The following TMPRSS15 variants were observed in gnomAD, a reference collection of about 807,000 sequenced individuals.
TMPRSS15 encodes enteropeptidase.
Under a neutral mutation model 125.3 loss-of-function variants are expected in TMPRSS15, and 128 were observed. That is an observed-to-expected ratio of 1.02 (90% CI 0.89 to 1.18). The LOEUF (loss-of-function observed/expected upper bound fraction) is 1.18, where lower values mean the gene tolerates loss of function less well. TMPRSS15 is among the 50% of genes most tolerant of loss of function. The pLI is 0.00. For missense variants in TMPRSS15, 1,283 were observed against 1,212.7 expected (o/e 1.06, Z -0.86); for synonymous variants, 446 against 423.2 (o/e 1.05, Z -0.66).
At chr21:18,431,682 T>C (rs2076216736) in intron 1 of TMPRSS15, among the ~76,000 whole-genome samples, 1 of 152,182 alleles carries the variant, frequency 6.6e-6, no homozygotes, top group Admixed American at 6.5e-5. Context: ...TTGAATAGTT[T>C]AATTTAAAAT....
intron 5 of TMPRSS15, among the ~76,000 whole-genome samples, chr21:18,373,531 T>C (rs888699899): frequency 3.9e-5 from 6 of 152,182 alleles, no homozygotes; most frequent in African/African-American, 1.4e-4. Flanking sequence ...TCCTTAACCA[T>C]TGAGTTATTA....
At chr21:18,433,663 CA>C (rs58432155) in intron 1 of TMPRSS15, among the ~76,000 whole-genome samples, 68 of 62,408 alleles carry the variant, frequency 1.1e-3, no homozygotes, top group South Asian at 1.6e-3. Flanking sequence ...GACCTTGTCT[CA>C]AAAAAAAAAA....
chr21:18,298,131 C>T (rs969541158), intron 18 of TMPRSS15, among the ~76,000 whole-genome samples: 1 of 152,102 alleles, frequency 6.6e-6, no homozygotes, highest in African/African-American at 2.4e-5. Flanking sequence ...ACTTAGTTAC[C>T]TGTTTTATAA....
intron 1 of TMPRSS15, among the ~76,000 whole-genome samples, chr21:18,459,244 G>C (rs907961090): frequency 4.0e-5 from 6 of 150,888 alleles, no homozygotes; most frequent in African/African-American, 1.5e-4. Context: ...TCTTTAATCT[G>C]TTCCAGTTAT....
At chr21:18,287,286 G>A (rs2074776583) in intron 21 of TMPRSS15, among the ~76,000 whole-genome samples, 1 of 152,256 alleles carries the variant, frequency 6.6e-6, no homozygotes, top group African/African-American at 2.4e-5. Context: ...AGAGCAGGAA[G>A]GAATGAATAT....
chr21:18,289,546 T>G (rs1361999678), intron 21 of TMPRSS15, among the ~76,000 whole-genome samples: 1 of 152,344 alleles, frequency 6.6e-6, no homozygotes, highest in South Asian at 2.1e-4. Flanking sequence ...AATAGTAGTC[T>G]GTATTTCTTA....
At chr21:18,333,389 T>C (rs1052540452) in intron 13 of TMPRSS15, among the ~76,000 whole-genome samples, 1 of 152,228 alleles carries the variant, frequency 6.6e-6, no homozygotes, top group Non-Finnish European at 1.5e-5. Context: ...AATTTTTTTG[T>C]CAAATATCTT....
chr21:18,406,599 A>C (rs1343482606), upstream of TMPRSS15, among the ~76,000 whole-genome samples: 1 of 152,176 alleles, frequency 6.6e-6, no homozygotes, highest in East Asian at 1.9e-4. Context: ...AGTAGTAGTT[A>C]TGGAATTCTA....
intron 4 of TMPRSS15, among the ~76,000 whole-genome samples, chr21:18,379,764 G>A (rs182290292): frequency 6.6e-6 from 1 of 151,930 alleles, no homozygotes; most frequent in Non-Finnish European, 1.5e-5. Context: ...GTGTGACCCT[G>A]GGCATGTTAC....
At chr21:18,300,446 A>G (rs568140503) in intron 18 of TMPRSS15, among the ~76,000 whole-genome samples, 2 of 150,806 alleles carry the variant, frequency 1.3e-5, no homozygotes, top group South Asian at 2.1e-4. Flanking sequence ...GGTTTAAGTG[A>G]TTCTCCTGAC....
intron 8 of TMPRSS15, 92 bp from the exon 9 acceptor site, chr21:18,353,955 G>T (rs565722636): frequency 1.6e-6 from 2 of 1,234,282 alleles, no homozygotes; most frequent in African/African-American, 1.5e-5. Context: ...CTATCAGTTT[G>T]TCAGTTGATC....
intron 16 of TMPRSS15, among the ~76,000 whole-genome samples, 188 bp downstream of exon 16, chr21:18,326,244 T>C (rs2075288571): frequency 6.6e-6 from 1 of 152,178 alleles, no homozygotes; most frequent in Non-Finnish European, 1.5e-5. Context: ...TGTGGCTGCC[T>C]ACTTTGAACG....
In TMPRSS15 at chr21:18,341,518, G is replaced by C; in HGVS notation, c.1459C>G (p.Leu487Val). Reference sequence around the variant, plus strand: ...ATGTCATCCAACGCAATATCACTCAGGATCTTGTTTTTAAAAGCATTAAAA... The same window carrying C: ...ATGTCATCCAACGCAATATCACTCACGATCTTGTTTTTAAAAGCATTAAAA... ...VAFNAFKNKI[L>V]SDIALDDISL... is the part of the protein sequence containing the mutation. The change falls in exon 13 of 25, where the codon CTG becomes GTG. Residue 487 changes from leucine to valine, a missense_variant. Physicochemically the swap from Leu to Val is conservative, Grantham distance 32 (BLOSUM62 1). Transcript: ENST00000284885. 6.2e-7 allele frequency: 1 copy of C among 1,614,078 alleles called. No individual in the cohort carries two copies. Among genetic ancestry groups the C allele is most frequent in the Non-Finnish European group, 8.5e-7 (1 of 1,179,978 alleles).
intron 3 of TMPRSS15, among the ~76,000 whole-genome samples, chr21:18,385,818 A>G (rs1416551070): frequency 1.3e-5 from 2 of 151,954 alleles, no homozygotes; most frequent in Non-Finnish European, 2.9e-5. Context: ...ATCTCCGCTC[A>G]CTGCAACCTT....
At chr21:18,333,211 T>G (rs1353353827) in intron 13 of TMPRSS15, among the ~76,000 whole-genome samples, 5 of 152,078 alleles carry the variant, frequency 3.3e-5, no homozygotes, top group Non-Finnish European at 7.4e-5. Flanking sequence ...AGTTTACCTG[T>G]GTAACAAACC....
At chr21:18,295,496 AT>A (rs1218593069) in intron 19 of TMPRSS15, among the ~76,000 whole-genome samples, 1 of 152,244 alleles carries the variant, frequency 6.6e-6, no homozygotes. Context: ...TTACATTTAT[AT>A]ACTTAGCTAC....
At chr21:18,358,763 A>T (rs1231116401) in intron 8 of TMPRSS15, among the ~76,000 whole-genome samples, 5 of 152,074 alleles carry the variant, frequency 3.3e-5, no homozygotes, top group African/African-American at 9.7e-5. Flanking sequence ...AATATTAAAG[A>T]AGAAAATGCA....
At chr21:18,384,787 G>T (rs951739679) in intron 3 of TMPRSS15, among the ~76,000 whole-genome samples, 2 of 152,108 alleles carry the variant, frequency 1.3e-5, no homozygotes, top group Non-Finnish European at 2.9e-5. Context: ...TGAATTATGG[G>T]AGTTATATAT....
In TMPRSS15 at chr21:18,400,410, CAGTAA is replaced by C. The variant is rs776095505; in HGVS notation, c.146-2086_146-2082del. On this transcript the variant is annotated intron_variant, in intron 1 of 24. Coordinates refer to ENST00000284885, the MANE Select transcript of TMPRSS15 (RefSeq NM_002772.3). ...CCAATGAAACAGAATAGAGAACCCACAGTAAAGTAAAGCTACACATCTACAGCCAT... is the reference window on the plus strand; with the variant it reads ...CCAATGAAACAGAATAGAGAACCCACAGTAAAGCTACACATCTACAGCCAT... Among the ~76,000 whole-genome samples, 4 of 151,988 alleles carry C rather than the reference CAGTAA, an allele frequency of 2.6e-5. No homozygotes were observed. The East Asian group carries it at 5.8e-4, about 22-fold the overall frequency.
Sources: gnomAD v4.1 joint callset for allele counts (sites outside exome capture counted in the v4.1 genomes callset) on GRCh38, gnomAD v4.1.1 for gene constraint, MANE v1.5 for transcripts, NCBI Gene and HGNC (gene_info 2026-07-23, HGNC 2026-07-21) for gene names.